The following CCDC74A variants were observed in gnomAD, a reference collection of about 807,000 sequenced individuals.
The protein encoded by CCDC74A is coiled-coil domain-containing protein 74A.
CCDC74A carries 38 observed loss-of-function variants against 37.6 expected under a neutral mutation model. That is an observed-to-expected ratio of 1.01 (90% CI 0.78 to 1.33). CCDC74A has a LOEUF of 1.33. Among genes scored for constraint, CCDC74A ranks in the 40% most tolerant of loss-of-function variants. The pLI, the probability that CCDC74A is intolerant of heterozygous loss-of-function variation, is 0.00. For synonymous variants in CCDC74A, 134 were observed against 165.2 expected (o/e 0.81, Z 1.45); for missense variants, 340 against 403.4 (o/e 0.84, Z 1.35).
chr2:131,529,812 T>C, intron 2 of CCDC74A, 121 bp downstream of exon 2: 1 of 1,546,872 alleles, frequency 6.5e-7, no homozygotes, highest in East Asian at 2.3e-5. Context: ...GGGTACAGGT[T>C]CTGGGGGACC....
chr2:131,527,414 A>C (rs1680386196), upstream of CCDC74A, among the ~76,000 whole-genome samples: 1 of 152,150 alleles, frequency 6.6e-6, no homozygotes. Context: ...TACAGGCGCA[A>C]GACACCATGC....
chr2:131,533,529 A>T lies in CCDC74A; in HGVS notation c.*131A>T. 1 of 1,277,552 alleles carries T rather than the reference A, an allele frequency of 7.8e-7. No homozygotes were observed. The highest frequency in any genetic ancestry group is 1.1e-6 in the Non-Finnish European group (1 of 936,928). 79.1% of individuals were successfully genotyped at this position (1,277,552 alleles called of 1,614,324 possible). On this transcript the variant is annotated 3_prime_UTR_variant, in exon 8 of 8. Coordinates refer to ENST00000409856, the MANE Select transcript of CCDC74A (RefSeq NM_001258306.3). ...AAGACAGATAACACTCAAGATAGAT[A>T]AAGTACTTGATCTCCAAACTGACAA...
At chr2:131,528,651 A>G in intron 1 of CCDC74A, 1 of 559,540 alleles carries the variant, frequency 1.8e-6, no homozygotes, top group Non-Finnish European at 3.2e-6. Flanking sequence ...TCTACTAAAA[A>G]TACAAAACAA....
chr2:131,529,208 C>A (rs768641900), intron 1 of CCDC74A: 2 of 280,152 alleles, frequency 7.1e-6, no homozygotes, highest in Non-Finnish European at 1.4e-5. Context: ...CATCACCAGG[C>A]GTCTGTTTTG....
intron 1 of CCDC74A, 167 bp downstream of exon 1, chr2:131,528,387 G>C (rs1478964160): frequency 6.5e-7 from 1 of 1,550,244 alleles, no homozygotes; most frequent in South Asian, 1.2e-5. Context: ...CCTCCTCCCA[G>C]AGGGAGACCC....
At chr2:131,527,132 C>G (rs1403849803), upstream of CCDC74A, among the ~76,000 whole-genome samples, 1 of 150,368 alleles carries the variant, frequency 6.7e-6, no homozygotes, top group Non-Finnish European at 1.5e-5. Context: ...TTTTTTGAGA[C>G]ACAGTCTCAC....
chr2:131,532,099 G>A (rs1224416888), intron 4 of CCDC74A, among the ~76,000 whole-genome samples: 1 of 150,770 alleles, frequency 6.6e-6, no homozygotes, highest in Non-Finnish European at 1.5e-5. Context: ...GAAAAGTAAA[G>A]TAATATTCTT....
intron 2 of CCDC74A, chr2:131,530,237 C>G (rs536495503): frequency 6.5e-7 from 1 of 1,547,050 alleles, no homozygotes; most frequent in East Asian, 2.4e-5. Context: ...CCCCACCCAG[C>G]CCAGGATCCT....
upstream of CCDC74A, among the ~76,000 whole-genome samples, chr2:131,525,519 T>C (rs534683651): frequency 6.6e-6 from 1 of 152,254 alleles, no homozygotes; most frequent in South Asian, 2.1e-4. Context: ...ACCTGACTTT[T>C]CATTTCTGTT....
intron 7 of CCDC74A, 76 bp downstream of exon 7, chr2:131,533,145 T>A: frequency 6.2e-7 from 1 of 1,610,710 alleles, no homozygotes; most frequent in Non-Finnish European, 8.5e-7. Context: ...GAAGGGAGGG[T>A]GGCAGCGCAG....
rs1681564738 is a variant in CCDC74A at position 131,532,700 on chromosome 2, C to T, written c.597C>T (p.Pro199=). Residue 199 remains proline, a synonymous_variant, in exon 5 of 8, where the codon CCC becomes CCT. Coordinates refer to ENST00000409856, the MANE Select transcript of CCDC74A (RefSeq NM_001258306.3). The stretch of plus-strand genomic sequence containing the variant: ...ACCCCCCAATGATCCTGCCCCTTCC[C>T]CTGCGAAAGCCCACCACACTTAGGC... ...GAHPPMILPL[P]LRKPTTLRQC... 1 of 1,613,520 alleles carries T rather than the reference C, an allele frequency of 6.2e-7. No individual in the cohort carries two copies. The highest frequency in any genetic ancestry group is 1.7e-5 in the Admixed American group (1 of 59,984).
intron 2 of CCDC74A, chr2:131,529,901 C>T (rs561095849): frequency 6.7e-7 from 1 of 1,496,710 alleles, no homozygotes; most frequent in African/African-American, 1.4e-5. Context: ...CTCGGGAAGC[C>T]CAGGGCCTGA....
At chr2:131,528,440 A>C (rs1680570675) in intron 1 of CCDC74A, 4 of 1,549,946 alleles carry the variant, frequency 2.6e-6, no homozygotes, top group Non-Finnish European at 8.7e-7. Context: ...CCTGTCTCGT[A>C]GGGCAGCAGC....
rs1429720694 is a variant in CCDC74A, at chr2:131,531,671, C to T, written c.354C>T (p.Ala118=). The change falls in exon 4 of 8, where the codon GCC becomes GCT. Residue 118 remains alanine, a synonymous_variant. Coordinates refer to ENST00000409856, the MANE Select transcript of CCDC74A (RefSeq NM_001258306.3). ...SVKSISNSGK[A]RPQPGSFNKQ... is the part of the protein sequence containing the mutation. ...TTGCAGCCAACTCTCAAGGCAAGGCCAGGCCCCAGCCCGGCTCCTTCAACA... is the reference window on the plus strand; with the variant it reads ...TTGCAGCCAACTCTCAAGGCAAGGCTAGGCCCCAGCCCGGCTCCTTCAACA... The T allele has an allele frequency of 2.6e-6, 4 of 1,536,582 alleles. No individual in the cohort carries two copies. Among genetic ancestry groups the T allele is most frequent in the South Asian group, 1.2e-5 (1 of 84,412 alleles).
At chr2:131,530,066 T>C (rs1407556817) in intron 2 of CCDC74A, 2 of 1,550,438 alleles carry the variant, frequency 1.3e-6, no homozygotes, top group Admixed American at 2.0e-5. Context: ...TCCAGCCCTA[T>C]GGCTCTGAGT....
intron 1 of CCDC74A, chr2:131,529,190 G>A: frequency 3.8e-6 from 1 of 266,020 alleles, no homozygotes; most frequent in Non-Finnish European, 7.4e-6. Flanking sequence ...CCTGAGTGCC[G>A]AGTATCCCAT....
intron 2 of CCDC74A, chr2:131,530,451 G>C: frequency 6.5e-7 from 1 of 1,544,508 alleles, no homozygotes; most frequent in South Asian, 1.2e-5. Flanking sequence ...AGCTGTTCTG[G>C]GCAAAGTGTG....
rs369911812 is a variant in CCDC74A at position 131,533,258 on chromosome 2, A to C, written c.810-11A>C. 6.2e-7 allele frequency: 1 copy of C among 1,611,460 alleles called. No homozygotes were observed. ...GGATGCTCACGGTGACAGTCCCTCT[A>C]CCCGCCCCAGCCTGAGCCCACCTGT... On this transcript the variant is annotated splice_polypyrimidine_tract_variant and intron_variant, in intron 7 of 7. Coordinates refer to ENST00000409856, the MANE Select transcript of CCDC74A (RefSeq NM_001258306.3).
chr2:131,531,648 G>A lies in CCDC74A; in HGVS notation c.347-16G>A. On this transcript the variant is annotated splice_polypyrimidine_tract_variant and intron_variant, in intron 3 of 7. Transcript: ENST00000409856. ...TGACCGGCCTTGTAGGGTCTGACTT[G>A]CAGCCAACTCTCAAGGCAAGGCCAG... is the stretch of plus-strand genomic sequence containing the variant. The A allele has an allele frequency of 6.5e-7, 1 of 1,542,762 alleles. No homozygotes were observed. Among genetic ancestry groups the A allele is most frequent in the Non-Finnish European group, 8.6e-7 (1 of 1,158,100 alleles).
Sources: allele counts gnomAD v4.1 joint callset (sites outside exome capture counted in the v4.1 genomes callset), GRCh38; gene constraint gnomAD v4.1.1; transcripts MANE v1.5; gene names NCBI Gene and HGNC (gene_info 2026-07-23, HGNC 2026-07-21).